Variants in B3GALT5 observed in about 807,000 individuals in gnomAD.
B3GALT5 encodes the protein UDP-Gal:betaGlcNAc beta 1,3-galactosyltransferase, polypeptide 5.
For synonymous variants in B3GALT5, 156 were observed against 158.6 expected, an observed-to-expected ratio of 0.98 and a Z score of 0.12; for missense variants, 328 against 396.6, an observed-to-expected ratio of 0.83 and a Z score of 1.47.
rs1391518326 is a variant in B3GALT5 at position 39,659,823 on chromosome 21, A to G, written c.-90A>G. 18 of 984,930 alleles carry G rather than the reference A, an allele frequency of 1.8e-5. No individual in the cohort carries two copies. Among genetic ancestry groups the G allele is most frequent in the Non-Finnish European group, 2.0e-5 (17 of 829,792 alleles). 61.0% of individuals were successfully genotyped at this position (984,930 alleles called of 1,614,324 possible). A position where few individuals can be genotyped will look rare whatever the true frequency, so the allele number is the denominator to read the frequency against. On this transcript the variant is annotated 5_prime_UTR_variant, in exon 3 of 4. Coordinates refer to ENST00000684187, the MANE Select transcript of B3GALT5 (RefSeq NM_001356336.2). ...GAACCTGATAATTATGGAGCATTCT[A>G]CACTGACAGTTCTTTGAGACAAATT...
At position 39,660,549 on chromosome 21, in the gene B3GALT5, G is replaced by T; in HGVS notation, c.1-11G>T. 2 of 1,416,614 alleles carry T rather than the reference G, an allele frequency of 1.4e-6. No individual in the cohort carries two copies. The highest frequency in any genetic ancestry group is 1.8e-6 in the Non-Finnish European group (2 of 1,081,928). The allele number at this position is 1,416,614 out of a possible 1,614,324, so 87.8% of individuals were successfully genotyped here. A position where few individuals can be genotyped will look rare whatever the true frequency, so the allele number is the denominator to read the frequency against. ...TTTTGAGGTCTAATCATTGGATTTT[G>T]TTCCTTTCAGATGGCTTTCCCGAAG... On this transcript the variant is annotated splice_polypyrimidine_tract_variant and intron_variant, in intron 3 of 3. Transcript: ENST00000684187.
chr21:39,614,510 G>A (rs891926758), intron 1 of B3GALT5, among the ~76,000 whole-genome samples: 1 of 152,172 alleles, frequency 6.6e-6, no homozygotes, highest in South Asian at 2.1e-4. Context: ...CCAGACAAGG[G>A]CATCCCTTCT....
chr21:39,631,065 A>T (rs1368457694), intron 1 of B3GALT5, among the ~76,000 whole-genome samples: 3 of 152,274 alleles, frequency 2.0e-5, no homozygotes, highest in African/African-American at 7.2e-5. Context: ...AGCAAAGTAC[A>T]TAGAAGGCAC....
chr21:39,643,572 T>TG (rs1209673744), intron 1 of B3GALT5, among the ~76,000 whole-genome samples: 2 of 152,230 alleles, frequency 1.3e-5, no homozygotes, highest in African/African-American at 4.8e-5. Context: ...CTTTTTCTTC[T>TG]GGTTGAATTT....
chr21:39,632,572 T>G (rs1227050593), intron 1 of B3GALT5, among the ~76,000 whole-genome samples: 2 of 152,226 alleles, frequency 1.3e-5, no homozygotes. Flanking sequence ...AAGTAGAAAT[T>G]TACAAAGGAA....
intron 1 of B3GALT5, among the ~76,000 whole-genome samples, chr21:39,642,509 G>A (rs2079298133): frequency 6.6e-6 from 1 of 152,146 alleles, no homozygotes; most frequent in Non-Finnish European, 1.5e-5. Flanking sequence ...ACACATTGAG[G>A]TTCCTCTTCT....
At chr21:39,621,072 C>A (rs2079131999) in intron 1 of B3GALT5, among the ~76,000 whole-genome samples, 2 of 152,248 alleles carry the variant, frequency 1.3e-5, no homozygotes, top group South Asian at 2.1e-4. Context: ...CAAGACTAGC[C>A]TGGGCAACAT....
chr21:39,638,794 T>C (rs2079248932), intron 1 of B3GALT5, among the ~76,000 whole-genome samples: 1 of 151,798 alleles, frequency 6.6e-6, no homozygotes, highest in Non-Finnish European at 1.5e-5. Flanking sequence ...GTCTTTATGC[T>C]CCCCTAGAGG....
rs76227264 is a variant in B3GALT5 at position 39,656,214 on chromosome 21, C to T, written c.-160-3539C>T. Among the ~76,000 whole-genome samples the T allele has an allele frequency of 2.1e-3, 325 of 152,282 alleles. 3 individuals carry two copies. The highest frequency in any genetic ancestry group is 6.3e-3 in the Admixed American group (96 of 15,304). On this transcript the variant is annotated intron_variant, in intron 2 of 3. Transcript: ENST00000684187. ...CGTGGGGTTGTTCAGACAGCAGGGA[C>T]GTTGATGTTGTTCCTTCTGCGTTCC...
intron 1 of B3GALT5, among the ~76,000 whole-genome samples, chr21:39,617,340 G>A (rs2079111998): frequency 6.6e-6 from 1 of 152,174 alleles, no homozygotes; most frequent in Admixed American, 6.5e-5. Flanking sequence ...AACTTCCAGA[G>A]ACTGGGTAAT....
At position 39,661,274 on chromosome 21, in the gene B3GALT5, A is replaced by G. The variant is rs775091238; in HGVS notation, c.715A>G (p.Ile239Val). The G allele has an allele frequency of 3.1e-6, 5 of 1,614,162 alleles. No individual in the cohort carries two copies. The highest frequency in any genetic ancestry group is 1.1e-5 in the South Asian group (1 of 91,076). ...CAATGTCTCCAAGAGCGTCCCATAC[A>G]TTAAACTGGAAGACGTGTTTGTGGG... The part of the protein sequence containing the change: ...VYNVSKSVPY[I>V]KLEDVFVGLC... The change falls in exon 4 of 4, where the codon ATT becomes GTT. Residue 239 changes from isoleucine (I) to valine (V), a missense_variant. Physicochemically the swap from Ile to Val is conservative, Grantham distance 29 (BLOSUM62 3). Transcript: ENST00000684187. This position sits in a 1 kb window ranked among gnomAD's most constrained non-coding sequence, Gnocchi z 4.7.
At chr21:39,657,674 T>C (rs969422478) in intron 2 of B3GALT5, 1 of 385,412 alleles carries the variant, frequency 2.6e-6, no homozygotes, top group African/African-American at 2.1e-5. Flanking sequence ...TCTGTCTATC[T>C]ATCTATCTGT....
Position 39,624,039 on chromosome 21 carries a change from C to T in B3GALT5, c.-392+10972C>T, listed in dbSNP as rs1602257066. Among the ~76,000 whole-genome samples, 3 of 152,146 alleles carry T rather than the reference C, an allele frequency of 2.0e-5. 1 individual carries two copies. The South Asian group carries it at 6.2e-4, about 32-fold the overall frequency. ...AGAATGATTCTCCTTTCAGTCACAA[C>T]CTTCCTTCTCTCTGTGAAAAGTGGA... On this transcript the variant is annotated intron_variant, in intron 1 of 3. Transcript: ENST00000684187.
At chr21:39,639,044 G>C (rs2079251338) in intron 1 of B3GALT5, among the ~76,000 whole-genome samples, 2 of 152,110 alleles carry the variant, frequency 1.3e-5, no homozygotes, top group East Asian at 3.9e-4. Context: ...ATTGGGCTGG[G>C]TGGACCTCTT....
chr21:39,619,716 A>T (rs1289246708), intron 1 of B3GALT5, among the ~76,000 whole-genome samples: 1 of 152,180 alleles, frequency 6.6e-6, no homozygotes. Flanking sequence ...CCCAAACACC[A>T]CAAGTTTTAA....
chr21:39,635,342 T>C (rs1475000690), intron 1 of B3GALT5, among the ~76,000 whole-genome samples: 1 of 152,192 alleles, frequency 6.6e-6, no homozygotes, highest in Non-Finnish European at 1.5e-5. Flanking sequence ...GGGATGATCC[T>C]ATGGTGGGAT....
chr21:39,628,183 G>A (rs1298507264), intron 1 of B3GALT5, among the ~76,000 whole-genome samples: 1 of 152,080 alleles, frequency 6.6e-6, no homozygotes, highest in Non-Finnish European at 1.5e-5. Context: ...TTATAAATAC[G>A]GTAAGTAAAT....
In B3GALT5 at chr21:39,663,489, T is replaced by A. The variant is rs2079548676; in HGVS notation, c.*1997T>A. On this transcript the variant is annotated 3_prime_UTR_variant, in exon 4 of 4. Transcript: ENST00000684187. ...TCCCCTTCCCTCTTCTTTTCTTTTC[T>A]TTTTTTCTGACAGGGTCTCACCCTG... The A allele has an allele frequency of 6.6e-6, 1 of 151,036 alleles. No homozygotes were observed. Among genetic ancestry groups the A allele is most frequent in the Non-Finnish European group, 1.5e-5 (1 of 67,768 alleles). The allele number at this position is 151,036 out of a possible 1,614,324, so 9.4% of individuals were successfully genotyped here.
intron 1 of B3GALT5, among the ~76,000 whole-genome samples, chr21:39,638,347 G>T (rs1027995057): frequency 2.0e-5 from 3 of 152,168 alleles, no homozygotes; most frequent in Admixed American, 6.5e-5. Context: ...ACACATGGGC[G>T]GCTGGACGTC....
Sources: allele counts gnomAD v4.1 joint callset (sites outside exome capture counted in the v4.1 genomes callset), GRCh38; gene constraint gnomAD v4.1.1; non-coding constraint Gnocchi (gnomAD v3.1); transcripts MANE v1.5; gene names NCBI Gene and HGNC (gene_info 2026-07-23, HGNC 2026-07-21).